FBN2: variants seen among roughly 807,000 people sequenced by gnomAD.
FBN2 encodes the protein fibrillin-2.
FBN2 carries 105 observed loss-of-function variants against 355.6 expected under a neutral mutation model. The ratio of observed to expected loss-of-function variants is 0.30; its 90% confidence interval spans 0.25 to 0.35. The LOEUF (loss-of-function observed/expected upper bound fraction) is 0.35. Ranked by LOEUF, FBN2 falls within the 10% of genes least tolerant of loss-of-function variation. The pLI is 1.00. For missense variants in FBN2, 3,280 were observed against 3,758.7 expected (o/e 0.87, Z 3.33); for synonymous variants, 1,350 against 1,301.2 (o/e 1.04, Z -0.81).
chr5:128,510,615 T>C (rs1163563851), intron 5 of FBN2, among the ~76,000 whole-genome samples: 1 of 152,224 alleles, frequency 6.6e-6, no homozygotes, highest in Non-Finnish European at 1.5e-5. Flanking sequence ...TTTTAAGCTC[T>C]ATGAGTTTTG....
At chr5:128,266,598 G>A (rs185868830) in intron 62 of FBN2, among the ~76,000 whole-genome samples, 45 of 152,152 alleles carry the variant, frequency 3.0e-4, no homozygotes, top group Admixed American at 1.7e-3. Flanking sequence ...TTTTGTGCTA[G>A]GTGTTCAGAA....
At chr5:128,434,402 A>ATATATG (rs1226778802) in intron 7 of FBN2, among the ~76,000 whole-genome samples, 5 of 72,572 alleles carry the variant, frequency 6.9e-5, no homozygotes, top group African/African-American at 2.4e-4. Context: ...GTGTATATAT[A>ATATATG]TATATATATA....
chr5:128,455,990 C>CAACAAAA (rs1754376055), intron 6 of FBN2, among the ~76,000 whole-genome samples: 3 of 25,272 alleles, frequency 1.2e-4, no homozygotes, highest in African/African-American at 3.3e-4. Flanking sequence ...GGGTTAGCAA[C>CAACAAAA]AAAAAAAAAA....
At chr5:128,296,376 C>G (rs1373233888) in intron 48 of FBN2, among the ~76,000 whole-genome samples, 1 of 151,914 alleles carries the variant, frequency 6.6e-6, no homozygotes, top group East Asian at 1.9e-4. Context: ...AGGATTCCCT[C>G]TTTTTCTATT....
intron 7 of FBN2, among the ~76,000 whole-genome samples, chr5:128,433,805 C>T (rs1053294858): frequency 6.6e-6 from 1 of 152,104 alleles, no homozygotes; most frequent in Non-Finnish European, 1.5e-5. Context: ...AAAAATATAC[C>T]TCAGATAGTT....
At chr5:128,297,342 G>T (rs1440851996) in intron 48 of FBN2, among the ~76,000 whole-genome samples, 1 of 152,206 alleles carries the variant, frequency 6.6e-6, no homozygotes, top group African/African-American at 2.4e-5. Context: ...TTCTGTAGAT[G>T]TCTATTAGGT....
In FBN2 at chr5:128,444,054, CTTTTTTTTTTTTTT is replaced by C. The variant is rs35768962; in HGVS notation, c.952+2413_952+2426del. 3.4e-4 allele frequency among the ~76,000 whole-genome samples: 22 copies of C among 65,626 alleles called. 1 individual carries two copies. Among genetic ancestry groups the C allele is most frequent in the African/African-American group, 7.4e-4 (12 of 16,192 alleles). 43.1% of individuals were successfully genotyped at this position (65,626 alleles called of 152,430 possible). A position where few individuals can be genotyped will look rare whatever the true frequency, so the allele number is the denominator to read the frequency against. ...TTTATATAAGCAAATATCACTTGTT[CTTTTTTTTTTTTTT>C]TTTTTTTTTTTTTTTGAGACGGAGT... On this transcript the variant is annotated intron_variant, in intron 7 of 64. Coordinates refer to ENST00000262464, the MANE Select transcript of FBN2 (RefSeq NM_001999.4).
chr5:128,264,793 A>AC (rs2126796970), intron 62 of FBN2, among the ~76,000 whole-genome samples: 1 of 152,316 alleles, frequency 6.6e-6, no homozygotes, highest in Non-Finnish European at 1.5e-5. Context: ...TGCACAGAGG[A>AC]CATAGTACCT....
chr5:128,300,083 A>C (rs1293300279), intron 48 of FBN2, among the ~76,000 whole-genome samples: 1 of 152,194 alleles, frequency 6.6e-6, no homozygotes, highest in East Asian at 1.9e-4. Context: ...AGAATGACAT[A>C]TCTTTAGGTA....
chr5:128,277,617 A>G (rs1463459801), intron 58 of FBN2, among the ~76,000 whole-genome samples: 1 of 152,120 alleles, frequency 6.6e-6, no homozygotes, highest in Non-Finnish European at 1.5e-5. Context: ...GAAACTTAAG[A>G]GTTTCTCTGT....
intron 7 of FBN2, among the ~76,000 whole-genome samples, chr5:128,427,782 G>T (rs1753520128): frequency 6.6e-6 from 1 of 152,150 alleles, no homozygotes; most frequent in East Asian, 1.9e-4. Flanking sequence ...GGAGAGTCCG[G>T]GTCTGAAGCA....
At chr5:128,531,448 T>C (rs1457374465) in intron 2 of FBN2, among the ~76,000 whole-genome samples, 13 of 151,752 alleles carry the variant, frequency 8.6e-5, no homozygotes, top group Admixed American at 7.2e-4. Context: ...GGACTACAAA[T>C]ATGGTGCAGT....
intron 2 of FBN2, 111 bp downstream of exon 2, chr5:128,536,291 G>A: frequency 1.2e-6 from 1 of 814,938 alleles, no homozygotes; most frequent in South Asian, 1.4e-5. Context: ...AGTGCAATGT[G>A]ATCACTTGAT....
chr5:128,337,136 C>A (rs1315449323), intron 27 of FBN2, among the ~76,000 whole-genome samples: 1 of 152,078 alleles, frequency 6.6e-6, no homozygotes, highest in Non-Finnish European at 1.5e-5. Flanking sequence ...GTGAAAAAGC[C>A]TTTTGTACCG....
At chr5:128,351,124 T>A in intron 20 of FBN2, 119 bp from the exon 21 acceptor site, 10 of 1,214,586 alleles carry the variant, frequency 8.2e-6, no homozygotes, top group South Asian at 1.3e-5. Flanking sequence ...GGCTCACGCC[T>A]GTAATCCCAG....
At chr5:128,483,333 A>G (rs1755247065) in intron 5 of FBN2, among the ~76,000 whole-genome samples, 1 of 152,174 alleles carries the variant, frequency 6.6e-6, no homozygotes, top group East Asian at 1.9e-4. Context: ...ATAAAAATAA[A>G]TAACAGCTCA....
chr5:128,499,762 A>G (rs1755755454), intron 5 of FBN2, among the ~76,000 whole-genome samples: 1 of 152,206 alleles, frequency 6.6e-6, no homozygotes, highest in Admixed American at 6.5e-5. Flanking sequence ...AATTCTAACT[A>G]AACTCTCTAC....
At chr5:128,526,470 G>A (rs990134610) in intron 4 of FBN2, among the ~76,000 whole-genome samples, 6 of 152,136 alleles carry the variant, frequency 3.9e-5, no homozygotes, top group Admixed American at 6.5e-5. Flanking sequence ...GCCAAAAGGT[G>A]AAAGCAACTC....
At chr5:128,292,465 C>T (rs1749352190) in intron 48 of FBN2, among the ~76,000 whole-genome samples, 1 of 152,160 alleles carries the variant, frequency 6.6e-6, no homozygotes, top group African/African-American at 2.4e-5. Flanking sequence ...GTCTGTCTGG[C>T]TCGCTGTTGC....
Sources: gnomAD v4.1 joint callset for allele counts (sites outside exome capture counted in the v4.1 genomes callset) on GRCh38, gnomAD v4.1.1 for gene constraint, MANE v1.5 for transcripts, NCBI Gene and HGNC (gene_info 2026-07-23, HGNC 2026-07-21) for gene names.